Variants in SLC4A4 observed in about 807,000 individuals in gnomAD.
The protein encoded by SLC4A4 is solute carrier family 4 member 4, also known as electrogenic sodium bicarbonate cotransporter 1.
SLC4A4 carries 27 observed loss-of-function variants against 111.5 expected under a neutral mutation model. The observed-to-expected ratio is 0.24, with a 90% CI of 0.18 to 0.33. The LOEUF (loss-of-function observed/expected upper bound fraction) is 0.33, where lower values mean the gene tolerates loss of function less well. SLC4A4 is among the 10% of genes least tolerant of loss of function. SLC4A4 has a pLI of 1.00. For missense variants in SLC4A4, 909 were observed against 1,315.5 expected, an observed-to-expected ratio of 0.69 and a Z score of 4.78; for synonymous variants, 443 against 463.4, an observed-to-expected ratio of 0.96 and a Z score of 0.57.
At chr4:71,430,899 T>C (rs1031695494) in intron 7 of SLC4A4, among the ~76,000 whole-genome samples, 10 of 152,126 alleles carry the variant, frequency 6.6e-5, no homozygotes, top group Non-Finnish European at 1.3e-4. Flanking sequence ...CAACCACTCT[T>C]GTCAGGGGAG....
intron 1 of SLC4A4, among the ~76,000 whole-genome samples, chr4:71,223,970 T>G (rs1718906004): frequency 6.6e-6 from 1 of 152,122 alleles, no homozygotes; most frequent in Admixed American, 6.5e-5. Flanking sequence ...CTTCTGCCAC[T>G]TAGGAGCCCA....
chr4:71,326,281 A>G (rs193109279), intron 3 of SLC4A4, among the ~76,000 whole-genome samples: 63 of 152,092 alleles, frequency 4.1e-4, no homozygotes, highest in African/African-American at 1.1e-3. Context: ...GATACATTGT[A>G]TGCTTCAAGT....
chr4:71,251,167 G>T (rs1425208897), intron 2 of SLC4A4, among the ~76,000 whole-genome samples: 1 of 152,160 alleles, frequency 6.6e-6, no homozygotes, highest in African/African-American at 2.4e-5. Context: ...CCCTTTTCTG[G>T]CTTGAAGGTT....
intron 11 of SLC4A4, among the ~76,000 whole-genome samples, chr4:71,451,990 A>G (rs189066015): frequency 1.3e-5 from 2 of 152,338 alleles, no homozygotes; most frequent in Admixed American, 1.3e-4. Flanking sequence ...TCTTTCCATG[A>G]TAACTCTTCC....
At chr4:71,183,328 A>G (rs866614286), upstream of SLC4A4, among the ~76,000 whole-genome samples, 63 of 152,240 alleles carry the variant, frequency 4.1e-4, no homozygotes, top group South Asian at 2.1e-4. Flanking sequence ...AACTTGGGAC[A>G]CACGTTTAAC....
Position 71,571,543 on chromosome 4 carries a change from A to T in SLC4A4, c.*3792A>T, listed in dbSNP as rs1287046151. ...TTTGGCCAGAGATTTAGATATGTCC[A>T]ATTTCCTGGCTCATTTCATTGTGCT... is the stretch of plus-strand genomic sequence containing the variant. On this transcript the variant is annotated 3_prime_UTR_variant, in exon 26 of 26. Coordinates refer to ENST00000264485, the MANE Select transcript of SLC4A4 (RefSeq NM_001098484.3). The T allele has an allele frequency of 6.6e-6, 1 of 152,272 alleles. No individual in the cohort carries two copies. The highest frequency in any genetic ancestry group is 2.4e-5 in the African/African-American group (1 of 41,422). 9.4% of individuals were successfully genotyped at this position (152,272 alleles called of 1,614,324 possible).
intron 20 of SLC4A4, among the ~76,000 whole-genome samples, chr4:71,553,743 A>G (rs929283171): frequency 2.0e-5 from 3 of 151,876 alleles, no homozygotes; most frequent in African/African-American, 7.2e-5. Context: ...AAACATGCAC[A>G]TTGCAAAATA....
In SLC4A4 at chr4:71,570,230, C is replaced by T. The variant is rs938045112; in HGVS notation, c.*2479C>T. 1 of 48,934 alleles carries T rather than the reference C, an allele frequency of 2.0e-5. No individual in the cohort carries two copies. The highest frequency in any genetic ancestry group is 1.6e-4 in the Admixed American group (1 of 6,262). 3.0% of individuals were successfully genotyped at this position (48,934 alleles called of 1,614,324 possible). On this transcript the variant is annotated 3_prime_UTR_variant, in exon 26 of 26. Transcript: ENST00000264485. ...TCAAAGAACTCCTGAAGCAACTTAA[C>T]TCATCATTTCAGCCTCTGAGTAGAG...
intron 17 of SLC4A4, among the ~76,000 whole-genome samples, chr4:71,532,807 T>C (rs1461914782): frequency 6.6e-6 from 1 of 152,144 alleles, no homozygotes; most frequent in Non-Finnish European, 1.5e-5. Context: ...AATGTCAAGA[T>C]GTGAAGTTAG....
intron 1 of SLC4A4, among the ~76,000 whole-genome samples, chr4:71,067,237 C>T (rs1210026189): frequency 6.6e-6 from 1 of 151,512 alleles, no homozygotes. Flanking sequence ...GCAATGCAAA[C>T]ACAGAATCTC....
intron 1 of SLC4A4, among the ~76,000 whole-genome samples, chr4:71,071,697 A>T (rs192602494): frequency 6.6e-6 from 1 of 152,086 alleles, no homozygotes; most frequent in East Asian, 1.9e-4. Flanking sequence ...TAAGTTCCCT[A>T]TTTCTTCATT....
intron 2 of SLC4A4, among the ~76,000 whole-genome samples, chr4:71,103,237 T>C (rs1211363021): frequency 6.7e-6 from 1 of 150,302 alleles, no homozygotes; most frequent in Non-Finnish European, 1.5e-5. Flanking sequence ...TAAATATATA[T>C]GCACCCAATA....
rs115580456 is a variant in SLC4A4 at position 71,402,537 on chromosome 4, T to C, written c.807+4884T>C. 5.9e-3 allele frequency among the ~76,000 whole-genome samples: 892 copies of C among 152,298 alleles called. 9 individuals carry two copies. Among genetic ancestry groups the C allele is most frequent in the South Asian group, 0.054 (259 of 4,824 alleles). On this transcript the variant is annotated intron_variant, in intron 7 of 25. Transcript: ENST00000264485. ...GAGGAGGTACAGTGTCTAAGAAAGA[T>C]TCATATTTTCTGAGGTTATAATAAT...
chr4:71,232,706 A>C (rs551093655), intron 1 of SLC4A4, among the ~76,000 whole-genome samples: 74 of 152,350 alleles, frequency 4.9e-4, no homozygotes, highest in African/African-American at 1.6e-3. Context: ...CCACTGTGTC[A>C]GCTTTTCTTC....
chr4:71,209,373 A>G (rs747975917), intron 1 of SLC4A4, among the ~76,000 whole-genome samples: 12 of 152,244 alleles, frequency 7.9e-5, no homozygotes, highest in Non-Finnish European at 1.5e-4. Context: ...AGACACATTT[A>G]GAAACAGAAT....
At chr4:71,134,537 C>G (rs909204316) in intron 2 of SLC4A4, among the ~76,000 whole-genome samples, 5 of 152,176 alleles carry the variant, frequency 3.3e-5, no homozygotes, top group African/African-American at 9.7e-5. Flanking sequence ...AAACTTTGCT[C>G]CATTAAAACC....
chr4:71,279,029 TAATC>T (rs1723293108), intron 3 of SLC4A4, among the ~76,000 whole-genome samples: 1 of 152,226 alleles, frequency 6.6e-6, no homozygotes, highest in Non-Finnish European at 1.5e-5. Context: ...ATAATTACCA[TAATC>T]AAGCTAATTT....
intron 6 of SLC4A4, among the ~76,000 whole-genome samples, chr4:71,388,522 C>CTATTA (rs141398668): frequency 1.3e-5 from 2 of 151,730 alleles, no homozygotes; most frequent in Non-Finnish European, 1.5e-5. Context: ...ATGAAGCTAC[C>CTATTA]TATTATATTA....
At chr4:71,528,191 G>A (rs999762729) in intron 16 of SLC4A4, among the ~76,000 whole-genome samples, 6 of 152,126 alleles carry the variant, frequency 3.9e-5, no homozygotes, top group African/African-American at 7.2e-5. Context: ...AGTTCCTTCC[G>A]GATCCACTGA....
Sources: allele counts gnomAD v4.1 joint callset (sites outside exome capture counted in the v4.1 genomes callset), GRCh38; gene constraint gnomAD v4.1.1; transcripts MANE v1.5; gene names NCBI Gene and HGNC (gene_info 2026-07-23, HGNC 2026-07-21).